CNTN4: variants seen among roughly 807,000 people sequenced by gnomAD.
The protein encoded by CNTN4 is contactin 4, also known as contactin-4.
Under a neutral mutation model 122.5 loss-of-function variants are expected in CNTN4, and 77 were observed. The observed-to-expected ratio is 0.63, with a 90% CI of 0.52 to 0.76. The LOEUF (loss-of-function observed/expected upper bound fraction) is 0.76, where lower values mean the gene tolerates loss of function less well. Ranked by LOEUF, CNTN4 falls within the 30% of genes least tolerant of loss-of-function variation. The pLI, the probability that CNTN4 is intolerant of heterozygous loss-of-function variation, is 0.00. For missense variants in CNTN4, 1,256 were observed against 1,259.1 expected (o/e 1.00, Z 0.04); for synonymous variants, 512 against 447.0 (o/e 1.15, Z -1.83).
chr3:2,726,113 G>A (rs906287504), intron 4 of CNTN4, among the ~76,000 whole-genome samples: 5 of 152,262 alleles, frequency 3.3e-5, no homozygotes, highest in African/African-American at 1.2e-4. Context: ...GCTCTTTTCT[G>A]TTTTGGCTTC....
intron 6 of CNTN4, among the ~76,000 whole-genome samples, chr3:2,757,606 G>A (rs559391907): frequency 3.3e-5 from 5 of 152,258 alleles, no homozygotes; most frequent in East Asian, 3.9e-4. Flanking sequence ...CGTCCTCTTC[G>A]CAGTCAGCAC....
chr3:2,542,187 A>G (rs2078057449), intron 3 of CNTN4, among the ~76,000 whole-genome samples: 1 of 152,150 alleles, frequency 6.6e-6, no homozygotes, highest in Admixed American at 6.6e-5. Context: ...TGATAAGATC[A>G]GCAAAGATGC....
At chr3:2,138,965 G>T (rs890885565) in intron 2 of CNTN4, among the ~76,000 whole-genome samples, 1 of 152,164 alleles carries the variant, frequency 6.6e-6, no homozygotes, top group Non-Finnish European at 1.5e-5. Flanking sequence ...AAGACAGTTT[G>T]TATGTGTATG....
At chr3:2,649,508 A>T (rs994616322) in intron 4 of CNTN4, among the ~76,000 whole-genome samples, 1 of 152,206 alleles carries the variant, frequency 6.6e-6, no homozygotes, top group Non-Finnish European at 1.5e-5. Flanking sequence ...TGTTTACAAC[A>T]TGGTTTGCTG....
intron 7 of CNTN4, among the ~76,000 whole-genome samples, chr3:2,864,030 G>C (rs2093697211): frequency 6.6e-6 from 1 of 152,164 alleles, no homozygotes. Context: ...TTTTTAATTA[G>C]ATCAAATAGC....
chr3:2,987,199 A>G (rs1032231892), intron 13 of CNTN4, among the ~76,000 whole-genome samples: 1 of 152,202 alleles, frequency 6.6e-6, no homozygotes, highest in Non-Finnish European at 1.5e-5. Flanking sequence ...CAGTGTGACT[A>G]GAGTTCATCG....
At chr3:2,522,149 T>TGTGTGTG (rs1553678903) in intron 3 of CNTN4, among the ~76,000 whole-genome samples, 134 of 63,462 alleles carry the variant, frequency 2.1e-3, no homozygotes, top group African/African-American at 2.4e-3. Flanking sequence ...CCTAAGCAGT[T>TGTGTGTG]TGTGTGTGTG....
intron 12 of CNTN4, among the ~76,000 whole-genome samples, chr3:2,924,322 C>G (rs2094453841): frequency 6.6e-6 from 1 of 151,946 alleles, no homozygotes; most frequent in Admixed American, 6.6e-5. Context: ...CCCCAAGCCC[C>G]CGCATTCACA....
intron 2 of CNTN4, among the ~76,000 whole-genome samples, chr3:2,148,938 G>T (rs1021688437): frequency 6.2e-5 from 7 of 112,458 alleles, no homozygotes; most frequent in African/African-American, 2.4e-4. Context: ...CCTTACTACC[G>T]TGACTGTGTG....
chr3:2,700,883 A>G (rs1554202), intron 4 of CNTN4, among the ~76,000 whole-genome samples: 40,860 of 152,106 alleles, frequency 0.27, 5,805 homozygotes, highest in South Asian at 0.44. Context: ...CTGAACGAAC[A>G]TGTTTTGTCT....
chr3:2,634,566 C>T (rs1437766777), intron 4 of CNTN4, among the ~76,000 whole-genome samples: 1 of 151,834 alleles, frequency 6.6e-6, no homozygotes, highest in Non-Finnish European at 1.5e-5. Context: ...CACAGTGGCT[C>T]AGGCCTGTAA....
intron 3 of CNTN4, among the ~76,000 whole-genome samples, chr3:2,350,464 C>T (rs1276013493): frequency 6.6e-6 from 1 of 152,076 alleles, no homozygotes; most frequent in East Asian, 1.9e-4. Context: ...TACACAAGGA[C>T]AGATTTGTCC....
chr3:2,996,999 CT>C (rs1187588596), intron 14 of CNTN4, among the ~76,000 whole-genome samples: 1 of 152,194 alleles, frequency 6.6e-6, no homozygotes, highest in Non-Finnish European at 1.5e-5. Context: ...CATCTGTCAT[CT>C]TCCTTCTGTC....
intron 3 of CNTN4, among the ~76,000 whole-genome samples, chr3:2,516,266 G>T (rs1261736217): frequency 6.6e-6 from 1 of 151,858 alleles, no homozygotes; most frequent in Non-Finnish European, 1.5e-5. Flanking sequence ...TAGGCAGCAG[G>T]CCTGTTGTAA....
At chr3:2,575,863 C>T (rs1320275842) in intron 4 of CNTN4, among the ~76,000 whole-genome samples, 1 of 132,606 alleles carries the variant, frequency 7.5e-6, no homozygotes, top group Non-Finnish European at 1.5e-5. Context: ...GCTCTGCTGC[C>T]CAGGCTGGAG....
intron 3 of CNTN4, among the ~76,000 whole-genome samples, chr3:2,346,035 C>G (rs2044385790): frequency 6.6e-6 from 1 of 152,056 alleles, no homozygotes; most frequent in Non-Finnish European, 1.5e-5. Context: ...GAATTTTCCC[C>G]CCTTCTTTTT....
chr3:2,432,284 T>C (rs1016619541), intron 3 of CNTN4, among the ~76,000 whole-genome samples: 1 of 152,190 alleles, frequency 6.6e-6, no homozygotes, highest in African/African-American at 2.4e-5. Flanking sequence ...CAATAAAATA[T>C]TTATGGAACG....
chr3:2,817,421 G>C (rs2092762452), intron 6 of CNTN4, among the ~76,000 whole-genome samples: 1 of 152,024 alleles, frequency 6.6e-6, no homozygotes, highest in African/African-American at 2.4e-5. Flanking sequence ...TTTATCATCT[G>C]GAATCTATTT....
intron 3 of CNTN4, among the ~76,000 whole-genome samples, chr3:2,496,430 A>T (rs1272900413): frequency 6.6e-6 from 1 of 152,190 alleles, no homozygotes; most frequent in African/African-American, 2.4e-5. Flanking sequence ...TAACAGTCTG[A>T]TACAAATAAA....
Sources: allele counts gnomAD v4.1 joint callset (sites outside exome capture counted in the v4.1 genomes callset), GRCh38; gene constraint gnomAD v4.1.1; transcripts MANE v1.5; gene names NCBI Gene and HGNC (gene_info 2026-07-23, HGNC 2026-07-21).